The following TBX2 variants were observed in gnomAD, a reference collection of about 807,000 sequenced individuals.
TBX2 encodes T-box transcription factor 2, also known as T-box transcription factor TBX2.
Under a neutral mutation model 48.4 loss-of-function variants are expected in TBX2, and 19 were observed. The ratio of observed to expected loss-of-function variants is 0.39; its 90% CI spans 0.27 to 0.58. The LOEUF (loss-of-function observed/expected upper bound fraction) is 0.58, where lower values mean the gene tolerates loss of function less well. TBX2 is among the 20% of genes least tolerant of loss of function. The pLI is 0.54. For synonymous variants in TBX2, 522 were observed against 459.7 expected (o/e 1.14, Z -1.73); for missense variants, 994 against 1,006.5 (o/e 0.99, Z 0.17).
At chr17:61,402,662 G>C (rs1399445955) in intron 2 of TBX2, among the ~76,000 whole-genome samples, 1 of 152,186 alleles carries the variant, frequency 6.6e-6, no homozygotes, top group Admixed American at 6.5e-5. Context: ...AGAGTGTTAA[G>C]AGTGGAATTG....
At position 61,406,046 on chromosome 17, in the gene TBX2, G is replaced by GC. The variant is rs1603241748; in HGVS notation, c.1686+212dup. On this transcript the variant is annotated intron_variant, in intron 6 of 6. Transcript: ENST00000240328. The surrounding 1 kb of genome is among the most constrained non-coding windows in gnomAD (Gnocchi z 5.7). ...TGTAAGTCCAGGGGCTGGCCAGGGC[G>GC]CCGCTTCTGACTCCCGTGTGACCTT... 1 of 455,694 alleles carries GC rather than the reference G, an allele frequency of 2.2e-6. No homozygotes were observed. The highest frequency in any genetic ancestry group is 3.6e-5 in the East Asian group (1 of 27,436). 28.2% of individuals were successfully genotyped at this position (455,694 alleles called of 1,614,324 possible).
In TBX2 at chr17:61,408,001, C is replaced by T. The variant is rs2060295546; in HGVS notation, c.1687-53C>T. ...CAGGGGATAGCACCCAGCCCAACTT[C>T]AGAAAGACTTCAGGCAAGATGTCTA... On this transcript the variant is annotated intron_variant, in intron 6 of 6. Coordinates refer to ENST00000240328, the MANE Select transcript of TBX2 (RefSeq NM_005994.4). 9.9e-6 allele frequency: 15 copies of T among 1,512,092 alleles called. No individual in the cohort carries two copies. The South Asian group carries it at 1.8e-4, about 18-fold the overall frequency. The allele number at this position is 1,512,092 out of a possible 1,614,324, so 93.7% of individuals were successfully genotyped here. A position where few individuals can be genotyped will look rare whatever the true frequency, so the allele number is the denominator to read the frequency against.
Position 61,406,049 on chromosome 17 carries a change from G to C in TBX2, c.1686+213G>C. On this transcript the variant is annotated intron_variant, in intron 6 of 6. Transcript: ENST00000240328. The surrounding 1 kb of genome is among the most constrained non-coding windows in gnomAD (Gnocchi z 5.7). ...AAGTCCAGGGGCTGGCCAGGGCGCC[G>C]CTTCTGACTCCCGTGTGACCTTTGG... The C allele has an allele frequency of 2.3e-6, 1 of 437,660 alleles. No individual in the cohort carries two copies. Among genetic ancestry groups the C allele is most frequent in the Non-Finnish European group, 3.8e-6 (1 of 265,606 alleles). 27.1% of individuals were successfully genotyped at this position (437,660 alleles called of 1,614,324 possible). A position where few individuals can be genotyped will look rare whatever the true frequency, so the allele number is the denominator to read the frequency against.
intron 5 of TBX2, 30 bp from the exon 6 acceptor site, chr17:61,405,172 C>G (rs2060282791): frequency 6.8e-7 from 1 of 1,470,860 alleles, no homozygotes; most frequent in Non-Finnish European, 9.0e-7. Flanking sequence ...CCGCCCAGGC[C>G]CCTGTAATCC....
chr17:61,402,930 T>G (rs12937792), intron 2 of TBX2, 131 bp from the exon 3 acceptor site: 58,297 of 169,720 alleles, frequency 0.34, 9,101 homozygotes, highest in African/African-American at 0.65. Context: ...GAAGAACCGA[T>G]AGAGAGAGAG....
chr17:61,403,869 C>A lies in TBX2; in HGVS notation c.811-552C>A, dbSNP rs542365752. On this transcript the variant is annotated intron_variant, in intron 3 of 6. Transcript: ENST00000240328. The surrounding 1 kb of genome is among the most constrained non-coding windows in gnomAD (Gnocchi z 5.8). ...AAAGAGAGGGTACGAGTGTCCGTGCCGGTCGTTGTGGCTTTGTGAACCAAG... is the reference window on the plus strand; with the variant it reads ...AAAGAGAGGGTACGAGTGTCCGTGCAGGTCGTTGTGGCTTTGTGAACCAAG... Among the ~76,000 whole-genome samples the A allele has an allele frequency of 6.6e-6, 1 of 152,124 alleles. No individual in the cohort carries two copies. Among genetic ancestry groups the A allele is most frequent in the Non-Finnish European group, 1.5e-5 (1 of 68,030 alleles).
Position 61,400,371 on chromosome 17 carries a change from GGCGGCGGCAGCA to G in TBX2, c.201_212del (p.Ala68_Ala71del). On this transcript the variant is annotated inframe_deletion, in exon 1 of 7. Coordinates refer to ENST00000240328, the MANE Select transcript of TBX2 (RefSeq NM_005994.4). This position sits in a 1 kb window ranked among gnomAD's most constrained non-coding sequence, Gnocchi z 9.2. ...TGGCGGGGGCGGCGGCCGCGGCGGC[GGCGGCGGCAGCA>G]GCGGCCGAGGCGGGGCTGCACGTCT... 1 of 1,078,546 alleles carries G rather than the reference GGCGGCGGCAGCA, an allele frequency of 9.3e-7. No homozygotes were observed. The highest frequency in any genetic ancestry group is 6.0e-5 in the East Asian group (1 of 16,538). The allele number at this position is 1,078,546 out of a possible 1,614,324, so 66.8% of individuals were successfully genotyped here.
rs749342198 is a variant in TBX2 at position 61,400,556 on chromosome 17, T to C, written c.380T>C (p.Ile127Thr). The change falls in exon 1 of 7, where the codon ATC (isoleucine) becomes ACC (threonine). Residue 127 changes from isoleucine to threonine, a missense_variant. Physicochemically the swap from Ile to Thr is moderately conservative, Grantham distance 89 (BLOSUM62 -1). Coordinates refer to ENST00000240328, the MANE Select transcript of TBX2 (RefSeq NM_005994.4). The surrounding 1 kb of genome is among the most constrained non-coding windows in gnomAD (Gnocchi z 9.2). The part of the protein sequence containing the change: ...QFHKLGTEMV[I>T]TKSGRRMFPP... ...CACAAGCTAGGCACGGAGATGGTCA[T>C]CACCAAGTCCGGGAGGTAGGGCTGC... 1.3e-6 allele frequency: 2 copies of C among 1,561,474 alleles called. No homozygotes were observed. Among genetic ancestry groups the C allele is most frequent in the Non-Finnish European group, 1.7e-6 (2 of 1,152,742 alleles).
At position 61,408,102 on chromosome 17, in the gene TBX2, T is replaced by C. The variant is rs142190838; in HGVS notation, c.1735T>C (p.Tyr579His). ...FGGLFPYPYT[Y>H]MAAAAAAASA... ...AGGCCTCTTCCCCTACCCCTACACC[T>C]ACATGGCAGCAGCAGCCGCAGCCGC... The change falls in exon 7 of 7, where the codon TAC (tyrosine) becomes CAC (histidine). Residue 579 changes from tyrosine (Y) to histidine (H), a missense_variant. Physicochemically the swap from Tyr to His is moderately conservative, Grantham distance 83. This residue lies in a region of TBX2 where 639 missense variants were observed against 613.2 expected (regional missense o/e 1.04). Transcript: ENST00000240328. 6.2e-7 allele frequency: 1 copy of C among 1,610,396 alleles called. No homozygotes were observed. The highest frequency in any genetic ancestry group is 1.3e-5 in the African/African-American group (1 of 74,826).
At position 61,409,278 on chromosome 17, in the gene TBX2, G is replaced by T. The variant is rs1370240587; in HGVS notation, c.*772G>T. On this transcript the variant is annotated 3_prime_UTR_variant, in exon 7 of 7. Coordinates refer to ENST00000240328, the MANE Select transcript of TBX2 (RefSeq NM_005994.4). ...TACAGGGCTGGGGGGGCCCTTGGCT[G>T]CGGGAGAAGGCCCAGAGCCCTGGAG... is the stretch of plus-strand genomic sequence containing the variant. 4 of 152,092 alleles carry T rather than the reference G, an allele frequency of 2.6e-5. No individual in the cohort carries two copies. Among genetic ancestry groups the T allele is most frequent in the African/African-American group, 7.3e-5 (3 of 41,326 alleles). 9.4% of individuals were successfully genotyped at this position (152,092 alleles called of 1,614,324 possible). A position where few individuals can be genotyped will look rare whatever the true frequency, so the allele number is the denominator to read the frequency against.
chr17:61,403,048 A>C lies in TBX2; in HGVS notation c.664-13A>C, dbSNP rs764983234. The C allele has an allele frequency of 2.5e-6, 4 of 1,598,924 alleles. No individual in the cohort carries two copies. The highest frequency in any genetic ancestry group is 2.2e-5 in the South Asian group (2 of 89,996). ...GGCTGGTGGCTGCCGGCTGACCCCC[A>C]CCCTCCCCGCAGACCATCCTAAACT... On this transcript the variant is annotated splice_polypyrimidine_tract_variant and intron_variant, in intron 2 of 6. Transcript: ENST00000240328. This position sits in a 1 kb window ranked among gnomAD's most constrained non-coding sequence, Gnocchi z 5.8.
rs755304221 is a variant in TBX2 at position 61,404,701 on chromosome 17, C to T, written c.983C>T (p.Pro328Leu). Reference protein sequence around the residue: ...AESDASSCDPPPAREPPTSPG... With the variant: ...AESDASSCDPLPAREPPTSPG... ...TCAGACGCCTCGTCGTGCGACCCTC[C>T]CCCCGCGCGGGAACCACCCACCTCC... Residue 328 changes from proline to leucine, a missense_variant, in exon 5 of 7, where the codon CCC becomes CTC. Transcript: ENST00000240328. 3.6e-5 allele frequency: 56 copies of T among 1,568,940 alleles called. No individual in the cohort carries two copies. In the African/African-American group the frequency reaches 6.4e-4, roughly 18 times the overall value.
In TBX2 at chr17:61,406,778, G is replaced by A. The variant is rs1251921729; in HGVS notation, c.1686+942G>A. ...GTTGGGAGGCAGGCGATTCTGAAAT[G>A]AGTTTTACACACAGCTCAGTGTTAG... On this transcript the variant is annotated intron_variant, in intron 6 of 6. Transcript: ENST00000240328. This position sits in a 1 kb window ranked among gnomAD's most constrained non-coding sequence, Gnocchi z 5.7. The A allele has an allele frequency of 1.3e-5, 2 of 152,106 alleles. No individual in the cohort carries two copies. The highest frequency in any genetic ancestry group is 3.9e-4 in the East Asian group (2 of 5,194). The allele number at this position is 152,106 out of a possible 1,614,324, so 9.4% of individuals were successfully genotyped here. A position where few individuals can be genotyped will look rare whatever the true frequency, so the allele number is the denominator to read the frequency against.
At position 61,403,046 on chromosome 17, in the gene TBX2, C is replaced by T. The variant is rs776338081; in HGVS notation, c.664-15C>T. On this transcript the variant is annotated splice_polypyrimidine_tract_variant and intron_variant, in intron 2 of 6. Transcript: ENST00000240328. This position sits in a 1 kb window ranked among gnomAD's most constrained non-coding sequence, Gnocchi z 5.8. ...GGGGCTGGTGGCTGCCGGCTGACCCCCACCCTCCCCGCAGACCATCCTAAA... is the reference window on the plus strand; with the variant it reads ...GGGGCTGGTGGCTGCCGGCTGACCCTCACCCTCCCCGCAGACCATCCTAAA... The T allele has an allele frequency of 3.1e-6, 5 of 1,602,354 alleles. No homozygotes were observed. Among genetic ancestry groups the T allele is most frequent in the Non-Finnish European group, 8.5e-7 (1 of 1,175,118 alleles).
At position 61,400,966 on chromosome 17, in the gene TBX2, C is replaced by G. The variant is rs951434100; in HGVS notation, c.395+395C>G. Among the ~76,000 whole-genome samples, 2 of 152,130 alleles carry G rather than the reference C, an allele frequency of 1.3e-5. No individual in the cohort carries two copies. Among genetic ancestry groups the G allele is most frequent in the Non-Finnish European group, 2.9e-5 (2 of 68,030 alleles). ...ATTCAGCCTCTCTCAGACTCTGCTC[C>G]GACCCCGAAGCCCCTAGTGGGACCT... On this transcript the variant is annotated intron_variant, in intron 1 of 6. Transcript: ENST00000240328. The surrounding 1 kb of genome is among the most constrained non-coding windows in gnomAD (Gnocchi z 9.2).
At chr17:61,402,647 G>T (rs1410164746) in intron 2 of TBX2, among the ~76,000 whole-genome samples, 1 of 152,154 alleles carries the variant, frequency 6.6e-6, no homozygotes, top group Admixed American at 6.5e-5. Context: ...GTGCCAGAAA[G>T]GAAGAGAGTG....
intron 2 of TBX2, 90 bp from the exon 3 acceptor site, chr17:61,402,956 GAGAGAGAGAGAGAGA>G (rs1264949479): frequency 0.033 from 5,951 of 178,498 alleles, 536 homozygotes; most frequent in Non-Finnish European, 0.047. Flanking sequence ...GAGAGAGAGA[GAGAGAGAGAGAGAGA>G]AAGTGGAGAG....
At chr17:61,407,212 G>C (rs1220874688) in intron 6 of TBX2, 1 of 152,180 alleles carries the variant, frequency 6.6e-6, no homozygotes, top group Non-Finnish European at 1.5e-5. Flanking sequence ...ACTGTCTCAG[G>C]AGGGGGTATT....
rs1206700661 is a variant in TBX2 at position 61,403,152 on chromosome 17, C to A, written c.755C>A (p.Thr252Asn). ...ILKLPYSTFRTYVFPETDFIA... is the reference protein window; with the variant it reads ...ILKLPYSTFRNYVFPETDFIA... ...AAGCTGCCTTACAGCACCTTCCGCA[C>A]CTACGTGTTCCCGGAGACCGACTTC... Residue 252 changes from threonine to asparagine, a missense_variant, in exon 3 of 7, where the codon ACC (threonine) becomes AAC (asparagine). Around this residue, in one of 5 missense-constraint regions of TBX2, gnomAD observed 153 missense variants for 166.2 expected, o/e 0.92. Transcript: ENST00000240328. The surrounding 1 kb of genome is among the most constrained non-coding windows in gnomAD (Gnocchi z 5.8). 6.2e-7 allele frequency: 1 copy of A among 1,613,764 alleles called. No homozygotes were observed. The highest frequency in any genetic ancestry group is 2.2e-5 in the East Asian group (1 of 44,884).
Sources: gnomAD v4.1 joint callset for allele counts (sites outside exome capture counted in the v4.1 genomes callset) on GRCh38, gnomAD v4.1.1 for gene constraint, gnomAD v4.1.1 regional missense constraint, Gnocchi (gnomAD v3.1) non-coding constraint, MANE v1.5 for transcripts, NCBI Gene and HGNC (gene_info 2026-07-23, HGNC 2026-07-21) for gene names.